ST7: variants seen among roughly 807,000 people sequenced by gnomAD.
ST7 encodes suppressor of tumorigenicity 7 protein.
A neutral mutation model predicts 78.7 loss-of-function variants in ST7; 28 were observed. The ratio of observed to expected loss-of-function variants is 0.36; its 90% CI spans 0.26 to 0.49. The LOEUF is 0.49. ST7 is among the 20% of genes least tolerant of loss of function. The pLI is 0.99. For missense variants in ST7, 418 were observed against 696.0 expected (o/e 0.60, Z 4.49); for synonymous variants, 247 against 249.6 (o/e 0.99, Z 0.10).
rs543730195 is a variant in ST7, at chr7:117,098,047, C to T, written c.152-1715C>T. 3.4e-5 allele frequency among the ~76,000 whole-genome samples: 5 copies of T among 149,008 alleles called. No homozygotes were observed. The East Asian group carries it at 9.9e-4, about 30-fold the overall frequency. On this transcript the variant is annotated intron_variant, in intron 1 of 15. Transcript: ENST00000323984. ...CCGGAAGTTCCAGGTCCATTTAGTT[C>T]GAGTTGTAAATATTGACTGAACACA... is the stretch of plus-strand genomic sequence containing the variant.
intron 9 of ST7, among the ~76,000 whole-genome samples, chr7:117,152,173 A>T (rs1037868405): frequency 1.2e-4 from 12 of 96,850 alleles, no homozygotes; most frequent in East Asian, 6.9e-4. Context: ...TATATATATA[A>T]AAACTATATA....
intron 1 of ST7, among the ~76,000 whole-genome samples, chr7:117,010,713 C>G (rs1784953781): frequency 6.6e-6 from 1 of 152,148 alleles, no homozygotes; most frequent in South Asian, 2.1e-4. Flanking sequence ...CATTTATAAT[C>G]CAACCCTGGT....
chr7:117,070,007 A>T (rs1798843958), intron 1 of ST7, among the ~76,000 whole-genome samples: 1 of 152,254 alleles, frequency 6.6e-6, no homozygotes, highest in African/African-American at 2.4e-5. Context: ...AATGAAATTG[A>T]TGCTCTAGAA....
At chr7:117,151,130 C>T (rs1484539262) in intron 9 of ST7, among the ~76,000 whole-genome samples, 1 of 152,192 alleles carries the variant, frequency 6.6e-6, no homozygotes, top group African/African-American at 2.4e-5. Context: ...TGTATAGAGT[C>T]CATTCTGATG....
intron 1 of ST7, among the ~76,000 whole-genome samples, chr7:116,982,475 C>T (rs1261230569): frequency 3.9e-5 from 6 of 152,136 alleles, no homozygotes; most frequent in Non-Finnish European, 5.9e-5. Context: ...CCGCCTGCCT[C>T]GGCCTCCCCA....
At chr7:117,208,560 G>A (rs1013659886) in intron 12 of ST7, among the ~76,000 whole-genome samples, 1 of 152,016 alleles carries the variant, frequency 6.6e-6, no homozygotes, top group Non-Finnish European at 1.5e-5. Context: ...CATACACCTC[G>A]ACACCAACCG....
chr7:117,130,475 T>C lies in ST7; in HGVS notation c.450-16T>C. ...CTCTCTCAAAAGTGTCTAATCATCTTATTTCTCCTTTGCAGGTATACTTGG... is the reference window on the plus strand; with the variant it reads ...CTCTCTCAAAAGTGTCTAATCATCTCATTTCTCCTTTGCAGGTATACTTGG... On this transcript the variant is annotated splice_polypyrimidine_tract_variant and intron_variant, in intron 4 of 15. Coordinates refer to ENST00000323984, the MANE Select transcript of ST7 (RefSeq NM_001369598.1). 1 of 1,581,412 alleles carries C rather than the reference T, an allele frequency of 6.3e-7. No homozygotes were observed. Among genetic ancestry groups the C allele is most frequent in the Non-Finnish European group, 8.7e-7 (1 of 1,154,246 alleles).
At chr7:117,133,850 A>G (rs1168132645) in intron 6 of ST7, among the ~76,000 whole-genome samples, 1 of 151,818 alleles carries the variant, frequency 6.6e-6, no homozygotes, top group Non-Finnish European at 1.5e-5. Flanking sequence ...AATCTCTGTG[A>G]AGCCGTGTTG....
intron 1 of ST7, chr7:116,972,757 AAGG>A (rs1793496287): frequency 5.4e-6 from 5 of 929,554 alleles, no homozygotes; most frequent in Non-Finnish European, 8.9e-6. Flanking sequence ...CCTACGGTTC[AAGG>A]AGGCCACCTC....
In ST7 at chr7:117,230,139, T is replaced by C. The variant is rs1793697695; in HGVS notation, c.*282T>C. The C allele has an allele frequency of 1.8e-6, 1 of 544,924 alleles. No homozygotes were observed. Among genetic ancestry groups the C allele is most frequent in the Non-Finnish European group, 3.4e-6 (1 of 295,850 alleles). The allele number at this position is 544,924 out of a possible 1,614,324, so 33.8% of individuals were successfully genotyped here. A position where few individuals can be genotyped will look rare whatever the true frequency, so the allele number is the denominator to read the frequency against. On this transcript the variant is annotated 3_prime_UTR_variant, in exon 16 of 16. Transcript: ENST00000323984. ...CCTCCTGTGTCTTCCAACCCTAAAA[T>C]TGTTGATGTCCCAAATAAACCTTTG...
chr7:117,183,588 TC>T (rs1464505503), intron 10 of ST7, among the ~76,000 whole-genome samples: 1 of 152,106 alleles, frequency 6.6e-6, no homozygotes, highest in Non-Finnish European at 1.5e-5. Context: ...TGCCTCATAC[TC>T]CCTTCTAGCC....
At chr7:117,211,894 A>T (rs1311352037) in intron 13 of ST7, among the ~76,000 whole-genome samples, 1 of 152,190 alleles carries the variant, frequency 6.6e-6, no homozygotes. Flanking sequence ...TTAAATTGGC[A>T]GAATGCTTTA....
At chr7:117,212,639 T>A (rs1490545014) in intron 13 of ST7, among the ~76,000 whole-genome samples, 13 of 152,220 alleles carry the variant, frequency 8.5e-5, no homozygotes, top group Admixed American at 8.5e-4. Context: ...TGAAAGAGAC[T>A]GGAAGTAAAT....
chr7:116,975,201 G>T (rs925087982), intron 1 of ST7, among the ~76,000 whole-genome samples: 25 of 152,130 alleles, frequency 1.6e-4, no homozygotes, highest in Non-Finnish European at 2.9e-5. Context: ...AAGAGAGCGT[G>T]TGCAGGGGAA....
intron 1 of ST7, among the ~76,000 whole-genome samples, chr7:116,985,257 T>A (rs545141831): frequency 6.6e-6 from 1 of 152,288 alleles, no homozygotes; most frequent in East Asian, 1.9e-4. Flanking sequence ...ACTAAAAAAA[T>A]GATGAGATGG....
intron 1 of ST7, chr7:116,956,625 T>TA: frequency 2.1e-6 from 1 of 471,226 alleles, no homozygotes; most frequent in South Asian, 1.5e-5. Flanking sequence ...TGGAATCTGC[T>TA]AAAAGTGTTC....
chr7:117,114,666 T>A (rs1802712137), intron 2 of ST7, among the ~76,000 whole-genome samples: 1 of 152,212 alleles, frequency 6.6e-6, no homozygotes, highest in African/African-American at 2.4e-5. Context: ...GCTTTTGCTG[T>A]GTGGAAATCT....
At chr7:117,161,673 C>T (rs562003920) in intron 9 of ST7, among the ~76,000 whole-genome samples, 15 of 145,644 alleles carry the variant, frequency 1.0e-4, no homozygotes, top group Non-Finnish European at 2.2e-4. Context: ...AGTCTTGGCT[C>T]ACTGCAGCCT....
intron 15 of ST7, among the ~76,000 whole-genome samples, chr7:117,224,864 G>GC (rs1793337618): frequency 6.6e-6 from 1 of 152,216 alleles, no homozygotes; most frequent in Non-Finnish European, 1.5e-5. Context: ...TGCATGGTGT[G>GC]CCATCACAGC....
Sources: gnomAD v4.1 joint callset for allele counts (sites outside exome capture counted in the v4.1 genomes callset) on GRCh38, gnomAD v4.1.1 for gene constraint, MANE v1.5 for transcripts, NCBI Gene and HGNC (gene_info 2026-07-23, HGNC 2026-07-21) for gene names.